METTL9: variants seen among roughly 807,000 people sequenced by gnomAD.
The protein encoded by METTL9 is methyltransferase 9, His-X-His N1(pi)-histidine, also known as protein-L-histidine N-pros-methyltransferase.
Under a neutral mutation model 36.0 loss-of-function variants are expected in METTL9, and 10 were observed. That is an observed-to-expected ratio of 0.28 (90% CI 0.17 to 0.47). The LOEUF is 0.47. Among genes scored for constraint, METTL9 ranks in the 20% least tolerant of loss-of-function variants. The probability of loss-of-function intolerance (pLI) is 0.99; values close to 1 mark genes in which losing one functional copy is unlikely to be tolerated. For synonymous variants in METTL9, 175 were observed against 149.7 expected (o/e 1.17, Z -1.23); for missense variants, 246 against 383.5 (o/e 0.64, Z 3.00).
intron 1 of METTL9, among the ~76,000 whole-genome samples, chr16:21,606,986 T>C (rs1374452855): frequency 2.0e-5 from 3 of 152,212 alleles, no homozygotes; most frequent in Non-Finnish European, 4.4e-5. Context: ...GCAAATCTAA[T>C]TTTATAGGAA....
chr16:21,612,629 T>G lies in METTL9; in HGVS notation c.166-16T>G. 7.7e-7 allele frequency: 1 copy of G among 1,300,982 alleles called. No homozygotes were observed. Among genetic ancestry groups the G allele is most frequent in the Non-Finnish European group, 9.8e-7 (1 of 1,023,942 alleles). The allele number at this position is 1,300,982 out of a possible 1,614,324, so 80.6% of individuals were successfully genotyped here. On this transcript the variant is annotated splice_polypyrimidine_tract_variant and intron_variant, in intron 1 of 4. Coordinates refer to ENST00000358154, the MANE Select transcript of METTL9 (RefSeq NM_016025.5). The stretch of plus-strand genomic sequence containing the variant: ...GTGTGTTTTAATTTTTGTTCTTTTT[T>G]TTTTTTTTTTTTTAGTGGTATGTGT...
At chr16:21,641,393 A>G in intron 4 of METTL9, 1 of 481,332 alleles carries the variant, frequency 2.1e-6, no homozygotes, top group Admixed American at 4.1e-5. Context: ...GTTTCCTTAC[A>G]TTCTGACATC....
At chr16:21,641,135 G>C (rs1966254167) in intron 4 of METTL9, 1 of 155,658 alleles carries the variant, frequency 6.4e-6, no homozygotes, top group Non-Finnish European at 1.4e-5. Context: ...TTGTCACGTT[G>C]TCCCTCCCAA....
At chr16:21,617,006 TTTTA>T (rs1965569310) in intron 2 of METTL9, among the ~76,000 whole-genome samples, 1 of 152,154 alleles carries the variant, frequency 6.6e-6, no homozygotes. Context: ...ACTTTCCACC[TTTTA>T]TTTCCCTCCT....
At chr16:21,654,021 T>C (rs1343004266) in intron 4 of METTL9, 1 of 151,740 alleles carries the variant, frequency 6.6e-6, no homozygotes, top group African/African-American at 2.4e-5. Flanking sequence ...CAGAAAGTTA[T>C]TCTCAGTCTG....
intron 4 of METTL9, chr16:21,644,427 G>T: frequency 7.0e-7 from 1 of 1,438,832 alleles, no homozygotes; most frequent in Non-Finnish European, 9.8e-7. Flanking sequence ...GAAGCACATT[G>T]ACTATTAAAG....
At chr16:21,634,650 G>T (rs1369176436) in intron 4 of METTL9, among the ~76,000 whole-genome samples, 1 of 152,122 alleles carries the variant, frequency 6.6e-6, no homozygotes, top group Non-Finnish European at 1.5e-5. Context: ...AATGCCTCCA[G>T]ATTTTGTTCA....
At chr16:21,624,401 T>C (rs945385533) in intron 3 of METTL9, among the ~76,000 whole-genome samples, 2 of 152,144 alleles carry the variant, frequency 1.3e-5, no homozygotes, top group African/African-American at 4.8e-5. Context: ...TTCGTATGTG[T>C]TGAGATTTGG....
chr16:21,641,396 C>T, intron 4 of METTL9: 1 of 481,464 alleles, frequency 2.1e-6, no homozygotes, highest in South Asian at 4.0e-5. Flanking sequence ...TCCTTACATT[C>T]TGACATCCTT....
intron 1 of METTL9, among the ~76,000 whole-genome samples, chr16:21,611,016 A>G (rs1201553661): frequency 6.6e-6 from 1 of 152,166 alleles, no homozygotes; most frequent in Non-Finnish European, 1.5e-5. Context: ...AGAATTAGAA[A>G]ATCATTAAGC....
At chr16:21,643,440 CT>C (rs1302482887) in intron 4 of METTL9, 5 of 720,448 alleles carry the variant, frequency 6.9e-6, no homozygotes, top group Non-Finnish European at 1.1e-5. Flanking sequence ...CCTTGATATT[CT>C]GTTTAAACTT....
intron 1 of METTL9, among the ~76,000 whole-genome samples, chr16:21,610,945 G>A (rs1017399924): frequency 6.6e-6 from 1 of 152,072 alleles, no homozygotes; most frequent in Non-Finnish European, 1.5e-5. Flanking sequence ...GAGGTCATGA[G>A]TATAATAAAA....
intron 4 of METTL9, chr16:21,640,040 G>C (rs1301365983): frequency 6.6e-6 from 1 of 152,100 alleles, no homozygotes; most frequent in Non-Finnish European, 1.5e-5. Context: ...CTGGGTTCAA[G>C]TGATCTCCTG....
chr16:21,635,675 T>C (rs1966075026), intron 4 of METTL9, among the ~76,000 whole-genome samples: 1 of 152,178 alleles, frequency 6.6e-6, no homozygotes, highest in South Asian at 2.1e-4. Flanking sequence ...GCCGCTTCTT[T>C]TTCAGGGTTT....
Position 21,617,987 on chromosome 16 carries a change from C to A in METTL9, c.479C>A (p.Thr160Lys). 6.2e-7 allele frequency: 1 copy of A among 1,612,672 alleles called. No homozygotes were observed. Among genetic ancestry groups the A allele is most frequent in the South Asian group, 1.1e-5 (1 of 90,714 alleles). Residue 160 changes from threonine (T) to lysine (K), a missense_variant, in exon 3 of 5, where the codon ACA becomes AAA. This residue lies in a region of METTL9 where 146 missense variants were observed against 302.1 expected (regional missense o/e 0.48). Transcript: ENST00000358154. Reference sequence around the variant, plus strand: ...TTAGGTGCTGGAGATGGAGAAGTCACAAAAATCATGAGCCCTCATTTTGAA... The same window carrying A: ...TTAGGTGCTGGAGATGGAGAAGTCAAAAAAATCATGAGCCCTCATTTTGAA... ...LDLGAGDGEVTKIMSPHFEEI... is the reference protein window; with the variant it reads ...LDLGAGDGEVKKIMSPHFEEI...
chr16:21,631,631 T>G (rs1965964277), intron 4 of METTL9, among the ~76,000 whole-genome samples: 1 of 152,182 alleles, frequency 6.6e-6, no homozygotes, highest in Non-Finnish European at 1.5e-5. Flanking sequence ...CTGAAGGGAG[T>G]TCCTCCTATG....
At chr16:21,605,296 T>TTTTTTTTTTTTTTTTTTTTTTTTTTTG (rs1965253993) in intron 1 of METTL9, among the ~76,000 whole-genome samples, 1 of 116,632 alleles carries the variant, frequency 8.6e-6, no homozygotes, top group Non-Finnish European at 1.7e-5. Context: ...TTTTTTTTTT[T>TTTTTTTTTTTTTTTTTTTTTTTTTTTG]GAGAAACAAG....
chr16:21,620,106 C>T (rs927865785), intron 3 of METTL9, among the ~76,000 whole-genome samples: 3 of 152,168 alleles, frequency 2.0e-5, no homozygotes, highest in African/African-American at 7.2e-5. Flanking sequence ...TAATCAGGCA[C>T]AGCTACGCCT....
At chr16:21,620,421 A>G (rs1028470284) in intron 3 of METTL9, among the ~76,000 whole-genome samples, 1 of 152,132 alleles carries the variant, frequency 6.6e-6, no homozygotes, top group Non-Finnish European at 1.5e-5. Context: ...TGAATTCCTA[A>G]TCTGATTCCA....
Sources: gnomAD v4.1 joint callset for allele counts (sites outside exome capture counted in the v4.1 genomes callset) on GRCh38, gnomAD v4.1.1 for gene constraint, gnomAD v4.1.1 regional missense constraint, MANE v1.5 for transcripts, NCBI Gene and HGNC (gene_info 2026-07-23, HGNC 2026-07-21) for gene names.